The following GCA variants were observed in gnomAD, a reference collection of about 807,000 sequenced individuals.
GCA encodes the protein grancalcin, EF-hand calcium-binding protein.
A neutral mutation model predicts 32.6 loss-of-function variants in GCA; 30 were observed. The observed-to-expected ratio is 0.92, with a 90% CI of 0.69 to 1.25. The LOEUF (loss-of-function observed/expected upper bound fraction) is 1.25, where lower values mean the gene tolerates loss of function less well. Ranked by LOEUF, GCA falls within the 50% of genes most tolerant of loss-of-function variation. GCA has a pLI of 0.00. For missense variants in GCA, 291 were observed against 266.8 expected (o/e 1.09, Z -0.63); for synonymous variants, 102 against 84.6 (o/e 1.21, Z -1.13).
At chr2:162,343,612 G>A (rs1684520224), upstream of GCA, among the ~76,000 whole-genome samples, 2 of 152,186 alleles carry the variant, frequency 1.3e-5, no homozygotes, top group Non-Finnish European at 2.9e-5. Flanking sequence ...GGCCTCAAGT[G>A]GGTTTTGGCG....
intron 1 of GCA, among the ~76,000 whole-genome samples, chr2:162,323,910 A>G (rs1185768871): frequency 1.3e-5 from 2 of 151,906 alleles, no homozygotes; most frequent in Admixed American, 6.6e-5. Flanking sequence ...TTGGTTCCAT[A>G]TGAACTTTAA....
At chr2:162,340,061 C>G (rs1285371939), upstream of GCA, among the ~76,000 whole-genome samples, 1 of 152,054 alleles carries the variant, frequency 6.6e-6, no homozygotes, top group African/African-American at 2.4e-5. Context: ...TCTTAGTCCC[C>G]TTTCACTTTC....
At chr2:162,363,847 G>A (rs1225006801), downstream of GCA, among the ~76,000 whole-genome samples, 1 of 151,352 alleles carries the variant, frequency 6.6e-6, no homozygotes, top group Non-Finnish European at 1.5e-5. Flanking sequence ...GTATTATTTT[G>A]CGAGTATTCA....
intron 3 of GCA, among the ~76,000 whole-genome samples, chr2:162,353,102 C>A (rs1685081930): frequency 6.6e-6 from 1 of 152,030 alleles, no homozygotes; most frequent in South Asian, 2.1e-4. Context: ...TTTACTCCAT[C>A]TCTTGTTGTC....
At chr2:162,354,777 CCTGT>C (rs752943400) in intron 3 of GCA, among the ~76,000 whole-genome samples, 12 of 152,090 alleles carry the variant, frequency 7.9e-5, no homozygotes, top group South Asian at 2.1e-4. Flanking sequence ...TACTTTGTTT[CCTGT>C]CTAATTCTCT....
chr2:162,360,582 A>T lies in GCA; in HGVS notation c.*339A>T. ...ACAAGATAGATTGTATAAGAAGCCA[A>T]ATAATGAAAGCCTAGAAAAAACTAA... On this transcript the variant is annotated 3_prime_UTR_variant, in exon 8 of 8. Coordinates refer to ENST00000437150, the MANE Select transcript of GCA (RefSeq NM_012198.5). 7.9e-6 allele frequency: 9 copies of T among 1,138,098 alleles called. No individual in the cohort carries two copies. The highest frequency in any genetic ancestry group is 1.0e-5 in the Non-Finnish European group (9 of 896,546). The allele number at this position is 1,138,098 out of a possible 1,614,324, so 70.5% of individuals were successfully genotyped here. A position where few individuals can be genotyped will look rare whatever the true frequency, so the allele number is the denominator to read the frequency against.
upstream of GCA, among the ~76,000 whole-genome samples, chr2:162,341,156 C>T (rs1421434933): frequency 1.2e-4 from 18 of 151,140 alleles, no homozygotes; most frequent in Admixed American, 1.2e-3. Context: ...TATACATGCT[C>T]AATAAATAAT....
At position 162,352,387 on chromosome 2, in the gene GCA, G is replaced by A. The variant is rs1469160548; in HGVS notation, c.242G>A (p.Gly81Glu). The change falls in exon 3 of 8, where the codon GGA (glycine) becomes GAA (glutamate). Residue 81 changes from glycine to glutamate, a missense_variant. Coordinates refer to ENST00000437150, the MANE Select transcript of GCA (RefSeq NM_012198.5). ...EELQRCLTQS[G>E]INGTYSPFSL... ...CTTCAGAGATGTTTGACACAGTCTGGAATTAATGGAACTTACTCTCGTGAG... is the reference window on the plus strand; with the variant it reads ...CTTCAGAGATGTTTGACACAGTCTGAAATTAATGGAACTTACTCTCGTGAG... 1.3e-6 allele frequency: 2 copies of A among 1,576,246 alleles called. No individual in the cohort carries two copies. Among genetic ancestry groups the A allele is most frequent in the East Asian group, 2.2e-5 (1 of 44,594 alleles).
Position 162,362,182 on chromosome 2 carries a change from C to T in GCA, c.*1939C>T, listed in dbSNP as rs1278099309. The T allele has an allele frequency of 1.0e-6, 1 of 984,284 alleles. No homozygotes were observed. The highest frequency in any genetic ancestry group is 1.2e-6 in the Non-Finnish European group (1 of 829,324). The allele number at this position is 984,284 out of a possible 1,614,324, so 61.0% of individuals were successfully genotyped here. A position where few individuals can be genotyped will look rare whatever the true frequency, so the allele number is the denominator to read the frequency against. On this transcript the variant is annotated 3_prime_UTR_variant, in exon 8 of 8. Coordinates refer to ENST00000437150, the MANE Select transcript of GCA (RefSeq NM_012198.5). ...TGACAAGGTATATTAGCATCTGAAA[C>T]CCCAAGGTTAATAAAATCAGTCATG...
Position 162,362,255 on chromosome 2 carries a change from C to G in GCA, c.*2012C>G. On this transcript the variant is annotated 3_prime_UTR_variant, in exon 8 of 8. Transcript: ENST00000437150. ...TTTTCCAAACTTTTTGACCACAGAA[C>G]CCCTTTCTCTAGCAAAACCTAACAT... is the stretch of plus-strand genomic sequence containing the variant. 3 of 984,468 alleles carry G rather than the reference C, an allele frequency of 3.0e-6. No individual in the cohort carries two copies. The South Asian group carries it at 1.4e-4, about 46-fold the overall frequency. 61.0% of individuals were successfully genotyped at this position (984,468 alleles called of 1,614,324 possible).
chr2:162,343,750 T>C (rs1285573598), upstream of GCA, among the ~76,000 whole-genome samples: 1 of 152,196 alleles, frequency 6.6e-6, no homozygotes, highest in Non-Finnish European at 1.5e-5. Context: ...GAAGTCCAGC[T>C]CAAAAGCGTG....
intron 1 of GCA, among the ~76,000 whole-genome samples, chr2:162,330,989 A>G (rs1684058516): frequency 6.6e-6 from 1 of 152,238 alleles, no homozygotes; most frequent in Admixed American, 6.5e-5. Context: ...ATTCATCAAC[A>G]TTGAATTCAC....
chr2:162,331,594 G>C (rs1283482962), intron 1 of GCA, among the ~76,000 whole-genome samples: 1 of 152,204 alleles, frequency 6.6e-6, no homozygotes, highest in African/African-American at 2.4e-5. Context: ...ACTATGTCAA[G>C]AAATAGCATT....
intron 6 of GCA, 146 bp downstream of exon 6, chr2:162,359,303 A>G: frequency 1.6e-6 from 1 of 632,830 alleles, no homozygotes; most frequent in Non-Finnish European, 2.8e-6. Context: ...GGCTTCAAAT[A>G]TTAAGGAATA....
intron 1 of GCA, among the ~76,000 whole-genome samples, chr2:162,335,912 T>C (rs1282209030): frequency 2.0e-5 from 3 of 152,160 alleles, no homozygotes; most frequent in African/African-American, 7.2e-5. Flanking sequence ...AATCAGAATG[T>C]GTGTGTGAAT....
At chr2:162,344,967 T>C (rs1684610716) in intron 1 of GCA, among the ~76,000 whole-genome samples, 1 of 152,148 alleles carries the variant, frequency 6.6e-6, no homozygotes, top group South Asian at 2.1e-4. Flanking sequence ...GTGGGTAGAA[T>C]ATAATATATT....
chr2:162,356,479 G>C lies in GCA; in HGVS notation c.304G>C (p.Asp102His), dbSNP rs1474344000. ...ETCRIMIAML[D>H]RDHTGKMGFN... is the part of the protein sequence containing the mutation. ...CTGCAGAATTATGATTGCCATGTTG[G>C]ATGTATCCTTGAATAGAAATAGAAA... The change falls in exon 4 of 8, where the codon GAT (aspartate) becomes CAT (histidine). Residue 102 changes from aspartate to histidine, a missense_variant and splice_region_variant. Asp to His is a moderately conservative substitution (Grantham distance 81). Coordinates refer to ENST00000437150, the MANE Select transcript of GCA (RefSeq NM_012198.5). The C allele has an allele frequency of 1.3e-6, 2 of 1,548,414 alleles. No homozygotes were observed. Among genetic ancestry groups the C allele is most frequent in the South Asian group, 2.2e-5 (2 of 89,444 alleles).
Position 162,361,987 on chromosome 2 carries a change from T to A in GCA, c.*1744T>A. ...AGGCTCACAGTTGAGGTAAAACTTT[T>A]AAAATGACAAATGGTATTATTCATG... On this transcript the variant is annotated 3_prime_UTR_variant, in exon 8 of 8. Coordinates refer to ENST00000437150, the MANE Select transcript of GCA (RefSeq NM_012198.5). 1.0e-6 allele frequency: 1 copy of A among 983,400 alleles called. No individual in the cohort carries two copies. Among genetic ancestry groups the A allele is most frequent in the Non-Finnish European group, 1.2e-6 (1 of 828,308 alleles). 60.9% of individuals were successfully genotyped at this position (983,400 alleles called of 1,614,324 possible).
intron 1 of GCA, among the ~76,000 whole-genome samples, chr2:162,327,945 G>A (rs936368620): frequency 2.6e-5 from 4 of 152,338 alleles, no homozygotes; most frequent in South Asian, 2.1e-4. Context: ...AGAGGGGACC[G>A]CGTGCTGGCA....
Sources: allele counts gnomAD v4.1 joint callset (sites outside exome capture counted in the v4.1 genomes callset), GRCh38; gene constraint gnomAD v4.1.1; transcripts MANE v1.5; gene names NCBI Gene and HGNC (gene_info 2026-07-23, HGNC 2026-07-21).